KCNAB1: variants seen among roughly 807,000 people sequenced by gnomAD.
KCNAB1 encodes potassium voltage-gated channel subfamily A regulatory beta subunit 1.
In KCNAB1, 35 loss-of-function variants were observed where a neutral mutation model predicts 64.6. The observed-to-expected ratio is 0.54, with a 90% CI of 0.41 to 0.72. The LOEUF (loss-of-function observed/expected upper bound fraction) is 0.72, where lower values mean the gene tolerates loss of function less well. Ranked by LOEUF, KCNAB1 falls within the 30% of genes least tolerant of loss-of-function variation. The pLI, the probability that KCNAB1 is intolerant of heterozygous loss-of-function variation, is 0.00. For missense variants in KCNAB1, 401 were observed against 512.9 expected, an observed-to-expected ratio of 0.78 and a Z score of 2.11; for synonymous variants, 177 against 183.8, an observed-to-expected ratio of 0.96 and a Z score of 0.30.
At chr3:156,430,272 A>G (rs1295929475) in intron 2 of KCNAB1, among the ~76,000 whole-genome samples, 2 of 152,206 alleles carry the variant, frequency 1.3e-5, no homozygotes, top group African/African-American at 4.8e-5. Context: ...GAACTCGAGG[A>G]GAGAAAATAG....
intron 1 of KCNAB1, among the ~76,000 whole-genome samples, chr3:156,252,525 G>T (rs1050492291): frequency 6.6e-6 from 1 of 152,188 alleles, no homozygotes; most frequent in African/African-American, 2.4e-5. Context: ...TTGAAATAAA[G>T]TATTAATATG....
rs531781038 is a variant in KCNAB1 at position 156,243,343 on chromosome 3, G to A, written c.275+122457G>A. ...GGGTTCAAGCAATTCTCCTGCCTCA[G>A]CCTCCTGAATAGCTGGGATTACAGG... On this transcript the variant is annotated intron_variant, in intron 1 of 13. Transcript: ENST00000490337. 2.0e-5 allele frequency among the ~76,000 whole-genome samples: 3 copies of A among 152,220 alleles called. No individual in the cohort carries two copies. In the South Asian group the frequency reaches 6.2e-4, roughly 32 times the overall value.
At chr3:156,369,397 G>T (rs1456934356) in intron 1 of KCNAB1, among the ~76,000 whole-genome samples, 1 of 152,152 alleles carries the variant, frequency 6.6e-6, no homozygotes, top group Admixed American at 6.5e-5. Flanking sequence ...AAGCCATCAT[G>T]AACATTCTTG....
chr3:156,160,834 A>T (rs1377253909), intron 1 of KCNAB1, among the ~76,000 whole-genome samples: 2 of 152,206 alleles, frequency 1.3e-5, no homozygotes, highest in Non-Finnish European at 2.9e-5. Flanking sequence ...GTACATTAAG[A>T]GGTTGTCTAG....
chr3:156,292,231 G>A, intron 1 of KCNAB1: 1 of 1,301,738 alleles, frequency 7.7e-7, no homozygotes, highest in Non-Finnish European at 1.1e-6. Flanking sequence ...TCAGTGGGTT[G>A]CTCACTTTAG....
chr3:156,388,249 A>T (rs1442760766), intron 1 of KCNAB1, among the ~76,000 whole-genome samples: 1 of 152,208 alleles, frequency 6.6e-6, no homozygotes, highest in African/African-American at 2.4e-5. Flanking sequence ...TCCTATAAAA[A>T]ATTTGCTTCT....
At chr3:156,305,430 T>C (rs1309130403) in intron 1 of KCNAB1, among the ~76,000 whole-genome samples, 6 of 152,166 alleles carry the variant, frequency 3.9e-5, no homozygotes, top group Admixed American at 3.9e-4. Context: ...AGCTTCAAAG[T>C]CTTCTGTGGG....
chr3:156,534,598 G>T (rs910151512), intron 13 of KCNAB1, among the ~76,000 whole-genome samples: 2 of 152,152 alleles, frequency 1.3e-5, no homozygotes, highest in African/African-American at 4.8e-5. Context: ...GAGCTTCGGC[G>T]ATAACAGTGG....
chr3:156,358,153 C>G (rs190279432), intron 1 of KCNAB1, among the ~76,000 whole-genome samples: 20 of 152,280 alleles, frequency 1.3e-4, no homozygotes, highest in African/African-American at 4.8e-4. Flanking sequence ...ATCAATGAAT[C>G]CTTTTCATCT....
chr3:156,282,421 G>C (rs1247844218), intron 1 of KCNAB1, among the ~76,000 whole-genome samples: 2 of 146,972 alleles, frequency 1.4e-5, no homozygotes, highest in Non-Finnish European at 3.0e-5. Context: ...GTGGTGTGGT[G>C]CTGAAAAAAA....
intron 1 of KCNAB1, among the ~76,000 whole-genome samples, chr3:156,181,286 G>A (rs889389573): frequency 3.3e-5 from 5 of 152,158 alleles, no homozygotes; most frequent in African/African-American, 1.2e-4. Context: ...TCTAGCAGAC[G>A]AAACAACACG....
At chr3:156,520,845 G>T (rs1717896817) in intron 11 of KCNAB1, among the ~76,000 whole-genome samples, 1 of 152,272 alleles carries the variant, frequency 6.6e-6, no homozygotes, top group South Asian at 2.1e-4. Flanking sequence ...CAACGATCTT[G>T]GTTGTTAAAT....
At chr3:156,291,598 G>C in intron 1 of KCNAB1, 1 of 1,263,460 alleles carries the variant, frequency 7.9e-7, no homozygotes, top group Non-Finnish European at 1.0e-6. Flanking sequence ...GGATTTGGCT[G>C]TTTAATCAGC....
intron 1 of KCNAB1, among the ~76,000 whole-genome samples, chr3:156,376,180 A>G (rs1711640627): frequency 6.6e-6 from 1 of 152,230 alleles, no homozygotes. Flanking sequence ...GCTTTATGCC[A>G]GCTCGATGTC....
chr3:156,152,877 A>G (rs964142373), intron 1 of KCNAB1, among the ~76,000 whole-genome samples: 4 of 152,214 alleles, frequency 2.6e-5, no homozygotes, highest in African/African-American at 9.7e-5. Flanking sequence ...TAACTTCCCA[A>G]AAGGTTAACT....
chr3:156,428,532 CA>C (rs1366963707), intron 2 of KCNAB1, among the ~76,000 whole-genome samples: 98 of 150,992 alleles, frequency 6.5e-4, no homozygotes, highest in Non-Finnish European at 1.1e-3. Flanking sequence ...CACACACACA[CA>C]CCCTATTGGT....
chr3:156,265,762 AG>A (rs1361230924), intron 1 of KCNAB1, among the ~76,000 whole-genome samples: 3 of 152,144 alleles, frequency 2.0e-5, no homozygotes, highest in Non-Finnish European at 4.4e-5. Context: ...TGGGAGTCCG[AG>A]GTGGGCGGAT....
rs114977105 is a variant in KCNAB1 at position 156,327,085 on chromosome 3, A to T, written c.276-94531A>T. Among the ~76,000 whole-genome samples the T allele has an allele frequency of 7.8e-3, 1,183 of 152,300 alleles. 16 individuals are homozygous for T. Among genetic ancestry groups the T allele is most frequent in the African/African-American group, 0.027 (1,114 of 41,552 alleles). ...TACTACACCAAATTAAACATATTTT[A>T]AAAAATCTGGTTAAGGCAAACGTAA... On this transcript the variant is annotated intron_variant, in intron 1 of 13. Transcript: ENST00000490337.
At chr3:156,310,045 C>A (rs999509697) in intron 1 of KCNAB1, among the ~76,000 whole-genome samples, 2 of 152,148 alleles carry the variant, frequency 1.3e-5, no homozygotes, top group Non-Finnish European at 2.9e-5. Context: ...ATCTTGGCAC[C>A]ATCTCCATCT....
Sources: allele counts gnomAD v4.1 joint callset (sites outside exome capture counted in the v4.1 genomes callset), GRCh38; gene constraint gnomAD v4.1.1; transcripts MANE v1.5; gene names NCBI Gene and HGNC (gene_info 2026-07-23, HGNC 2026-07-21).